The following GATAD2A variants were observed in gnomAD, a reference collection of about 807,000 sequenced individuals.
GATAD2A encodes the protein GATA zinc finger domain containing 2A.
GATAD2A carries 12 observed loss-of-function variants against 68.5 expected under a neutral mutation model. The ratio of observed to expected loss-of-function variants is 0.18; its 90% CI spans 0.11 to 0.28. GATAD2A has a LOEUF of 0.28. Ranked by LOEUF, GATAD2A falls within the 10% of genes least tolerant of loss-of-function variation. The pLI is 1.00. For missense variants in GATAD2A, 755 were observed against 868.5 expected (o/e 0.87, Z 1.64); for synonymous variants, 410 against 375.3 (o/e 1.09, Z -1.07).
At position 19,498,657 on chromosome 19, in the gene GATAD2A, CCAA is replaced by C. The variant is rs2060309688; in HGVS notation, c.1144_1146del (p.Asn382del). On this transcript the variant is annotated inframe_deletion, in exon 8 of 12. Coordinates refer to ENST00000683918, the MANE Select transcript of GATAD2A (RefSeq NM_001384528.1). ...GAGATGAACTTCCTGCCCAGCGCCG[CCAA>C]CAACGAGTTCATCTACCTGGTCGGC... 1.2e-6 allele frequency: 2 copies of C among 1,613,934 alleles called. No homozygotes were observed. Among genetic ancestry groups the C allele is most frequent in the Non-Finnish European group, 1.7e-6 (2 of 1,179,986 alleles).
intron 1 of GATAD2A, chr19:19,436,152 A>G (rs765790065): frequency 1.5e-6 from 2 of 1,366,142 alleles, no homozygotes; most frequent in Non-Finnish European, 2.0e-6. Flanking sequence ...CATTGTCTCA[A>G]GTAGCCTTTT....
chr19:19,411,191 A>G (rs2050877964), intron 1 of GATAD2A, among the ~76,000 whole-genome samples: 1 of 152,246 alleles, frequency 6.6e-6, no homozygotes, highest in African/African-American at 2.4e-5. Context: ...GATACTTGCC[A>G]TAGTCACCTT....
At chr19:19,494,001 G>A (rs931502402) in intron 4 of GATAD2A, among the ~76,000 whole-genome samples, 5 of 152,118 alleles carry the variant, frequency 3.3e-5, no homozygotes, top group Admixed American at 6.5e-5. Context: ...CTGTCCCCTA[G>A]AGGGCACAGC....
At chr19:19,491,740 C>T (rs1182874958) in intron 2 of GATAD2A, among the ~76,000 whole-genome samples, 1 of 152,232 alleles carries the variant, frequency 6.6e-6, no homozygotes, top group Non-Finnish European at 1.5e-5. Context: ...ACCCCTCGGT[C>T]TTCTGGGGAC....
At chr19:19,435,425 A>G (rs1233370287) in intron 1 of GATAD2A, among the ~76,000 whole-genome samples, 2 of 152,126 alleles carry the variant, frequency 1.3e-5, no homozygotes, top group Non-Finnish European at 2.9e-5. Flanking sequence ...GAGTTTCACC[A>G]TGTTGCCCGG....
intron 2 of GATAD2A, among the ~76,000 whole-genome samples, chr19:19,491,202 G>T (rs1313448110): frequency 3.3e-5 from 5 of 152,182 alleles, no homozygotes; most frequent in Admixed American, 6.5e-5. Context: ...CTGTTTCCCA[G>T]TTCTGATGAA....
intron 11 of GATAD2A, among the ~76,000 whole-genome samples, chr19:19,502,836 C>G (rs1366462722): frequency 6.6e-6 from 1 of 152,252 alleles, no homozygotes; most frequent in Non-Finnish European, 1.5e-5. Flanking sequence ...CTTGTCAGCA[C>G]ACACCCCTAT....
intron 2 of GATAD2A, among the ~76,000 whole-genome samples, chr19:19,481,953 A>G (rs542114920): frequency 6.6e-6 from 1 of 152,208 alleles, no homozygotes; most frequent in South Asian, 2.1e-4. Context: ...TAAATAACAA[A>G]TTAATTCGCT....
chr19:19,429,194 C>G (rs923752753), intron 1 of GATAD2A: 1 of 985,124 alleles, frequency 1.0e-6, no homozygotes, highest in Non-Finnish European at 1.2e-6. Flanking sequence ...GTGGGATGCT[C>G]GATTTCAAGT....
At chr19:19,474,179 C>G in intron 2 of GATAD2A, 1 of 984,006 alleles carries the variant, frequency 1.0e-6, no homozygotes, top group Non-Finnish European at 1.2e-6. Context: ...TGAGTCCTTC[C>G]TGTTTGGACA....
chr19:19,444,532 G>T (rs2055477537), intron 1 of GATAD2A, among the ~76,000 whole-genome samples: 3 of 152,208 alleles, frequency 2.0e-5, no homozygotes, highest in African/African-American at 7.2e-5. Flanking sequence ...ACAAATAAAT[G>T]AGTGAAACAC....
chr19:19,492,857 C>G, intron 4 of GATAD2A, 145 bp downstream of exon 4: 1 of 698,796 alleles, frequency 1.4e-6, no homozygotes, highest in Non-Finnish European at 2.4e-6. Flanking sequence ...TTTGTGGACT[C>G]CAGTGTGCAT....
upstream of GATAD2A, chr19:19,402,306 C>T (rs1254020056): frequency 6.6e-6 from 1 of 151,954 alleles, no homozygotes; most frequent in Non-Finnish European, 1.5e-5. Flanking sequence ...AATCCTCTCA[C>T]CTTGGCCTCC....
chr19:19,488,663 T>C (rs1568329866), intron 2 of GATAD2A, among the ~76,000 whole-genome samples: 1 of 152,234 alleles, frequency 6.6e-6, no homozygotes, highest in Admixed American at 6.5e-5. Flanking sequence ...ATTTCTGTGC[T>C]TGTGAGGTCA....
At chr19:19,449,099 G>T (rs563959910) in intron 1 of GATAD2A, among the ~76,000 whole-genome samples, 7 of 152,250 alleles carry the variant, frequency 4.6e-5, no homozygotes, top group African/African-American at 1.7e-4. Context: ...TGCTTCTCCA[G>T]TTTTTTTCCC....
intron 1 of GATAD2A, chr19:19,434,981 T>TAGA: frequency 2.6e-6 from 1 of 391,366 alleles, no homozygotes; most frequent in South Asian, 1.8e-5. Context: ...GGTGGCTGGT[T>TAGA]TCCCTGGGGT....
At chr19:19,411,621 T>G (rs1356088732) in intron 1 of GATAD2A, among the ~76,000 whole-genome samples, 3 of 152,210 alleles carry the variant, frequency 2.0e-5, no homozygotes, top group Admixed American at 2.0e-4. Context: ...ACTGACGATA[T>G]GCAGTTTACC....
intron 1 of GATAD2A, among the ~76,000 whole-genome samples, chr19:19,393,890 T>G (rs2049027606): frequency 6.6e-6 from 1 of 151,712 alleles, no homozygotes; most frequent in South Asian, 2.1e-4. Flanking sequence ...TTGCCTTTGT[T>G]TCTTTTTTTT....
At position 19,492,399 on chromosome 19, in the gene GATAD2A, C is replaced by T. The variant is rs774141767; in HGVS notation, c.363C>T (p.Thr121=). 6 of 1,613,716 alleles carry T rather than the reference C, an allele frequency of 3.7e-6. No homozygotes were observed. In the South Asian group the frequency reaches 6.6e-5, roughly 18 times the overall value. Residue 121 remains threonine, a synonymous_variant, in exon 3 of 12, where the codon ACC becomes ACT. Coordinates refer to ENST00000683918, the MANE Select transcript of GATAD2A (RefSeq NM_001384528.1). ...QPSSPRVNGL[T]TVALKETSTE... The stretch of plus-strand genomic sequence containing the variant: ...CGAGCCCGAGAGTGAATGGGCTGAC[C>T]ACGGTGGCCTTGAAGGAGACTAGCA...
Sources: gnomAD v4.1 joint callset for allele counts (sites outside exome capture counted in the v4.1 genomes callset) on GRCh38, gnomAD v4.1.1 for gene constraint, MANE v1.5 for transcripts, NCBI Gene and HGNC (gene_info 2026-07-23, HGNC 2026-07-21) for gene names.